OR51B5: variants seen among roughly 807,000 people sequenced by gnomAD.
OR51B5 encodes the protein olfactory receptor 51B5.
For synonymous variants in OR51B5, 186 were observed against 144.8 expected (o/e 1.28, Z -2.04); for missense variants, 456 against 374.6 (o/e 1.22, Z -1.79).
intron 1 of OR51B5, chr11:5,383,746 T>G (rs1161334213): frequency 2.0e-5 from 3 of 152,072 alleles, no homozygotes; most frequent in Non-Finnish European, 4.4e-5. Flanking sequence ...TGGGGACCCT[T>G]TGTTTACCAT....
chr11:5,342,235 ATTTTATATTT>A (rs1554931706), downstream of OR51B5, among the ~76,000 whole-genome samples: 1 of 152,172 alleles, frequency 6.6e-6, no homozygotes, highest in Non-Finnish European at 1.5e-5. Context: ...CCAACTAATA[ATTTTATATTT>A]TTATGATTCT....
At chr11:5,401,810 T>TC (rs1564801020) in intron 1 of OR51B5, among the ~76,000 whole-genome samples, 1 of 150,372 alleles carries the variant, frequency 6.7e-6, no homozygotes, top group Admixed American at 6.6e-5. Context: ...ATAATCTTTC[T>TC]TTTCTTTCTT....
rs181868058 is a variant in OR51B5, at chr11:5,358,789, T to C, written n.85-11879A>G. On this transcript the variant is annotated intron_variant and non_coding_transcript_variant, in intron 1 of 4. Transcript: ENST00000415970. ...ATCCAGCAGCACATCCAAAAGCTTA[T>C]CCACCATGATCAAGTGGGCTTCATC... 1.2e-4 allele frequency among the ~76,000 whole-genome samples: 18 copies of C among 152,302 alleles called. No homozygotes were observed. In the East Asian group the frequency reaches 3.5e-3, roughly 29 times the overall value.
chr11:5,351,467 C>A (rs1849084951), intron 1 of OR51B5: 1 of 1,510,232 alleles, frequency 6.6e-7, no homozygotes. Flanking sequence ...ATTACTATTG[C>A]TTTACCTGGA....
At chr11:5,498,594 G>A (rs1367623915) in intron 1 of OR51B5, among the ~76,000 whole-genome samples, 1 of 152,130 alleles carries the variant, frequency 6.6e-6, no homozygotes, top group Admixed American at 6.6e-5. Flanking sequence ...ATTAGTTTCA[G>A]TATGTCTCCT....
chr11:5,467,365 T>C (rs374297030), intron 1 of OR51B5, among the ~76,000 whole-genome samples: 4 of 152,242 alleles, frequency 2.6e-5, no homozygotes, highest in East Asian at 1.9e-4. Flanking sequence ...TAAATGATCA[T>C]GTTATTTGAT....
chr11:5,346,181 C>T (rs765480085), upstream of OR51B5: 2 of 152,138 alleles, frequency 1.3e-5, no homozygotes, highest in South Asian at 2.1e-4. Context: ...AACTGTAAGG[C>T]AATGATTGTA....
chr11:5,398,803 T>C (rs938714059), intron 1 of OR51B5, among the ~76,000 whole-genome samples: 1 of 152,218 alleles, frequency 6.6e-6, no homozygotes, highest in Non-Finnish European at 1.5e-5. Context: ...AAGATGTGCC[T>C]GCTTCTCCTT....
chr11:5,469,115 G>T, intron 1 of OR51B5: 1 of 224,808 alleles, frequency 4.4e-6, no homozygotes, highest in Non-Finnish European at 8.9e-6. Context: ...GATGAAGAAC[G>T]TCTGGGCCAG....
chr11:5,361,214 G>T (rs1338971487), intron 1 of OR51B5, among the ~76,000 whole-genome samples: 1 of 152,102 alleles, frequency 6.6e-6, no homozygotes, highest in Non-Finnish European at 1.5e-5. Context: ...ACCCCTATGT[G>T]ATGCTTAAAA....
chr11:5,440,490 A>G (rs1409535066), intron 1 of OR51B5: 1 of 939,134 alleles, frequency 1.1e-6, no homozygotes, highest in Non-Finnish European at 1.6e-6. Context: ...GGTCCTCTTC[A>G]TCCTTACTTT....
At chr11:5,467,890 C>T (rs1428246221) in intron 1 of OR51B5, among the ~76,000 whole-genome samples, 1 of 152,206 alleles carries the variant, frequency 6.6e-6, no homozygotes, top group Admixed American at 6.5e-5. Context: ...TGTAGTCATG[C>T]CCAATGATGA....
At chr11:5,381,702 A>T (rs191936481) in intron 1 of OR51B5, among the ~76,000 whole-genome samples, 1 of 151,206 alleles carries the variant, frequency 6.6e-6, no homozygotes, top group East Asian at 1.9e-4. Context: ...CACACTTCAA[A>T]GAGGACTATT....
downstream of OR51B5, chr11:5,340,351 A>T (rs1848875171): frequency 6.6e-6 from 1 of 152,016 alleles, no homozygotes; most frequent in Admixed American, 6.6e-5. Context: ...ATTTATTATC[A>T]TTTCTTTATC....
chr11:5,407,878 T>C (rs1295870109), intron 1 of OR51B5, among the ~76,000 whole-genome samples: 1 of 152,078 alleles, frequency 6.6e-6, no homozygotes, highest in East Asian at 1.9e-4. Context: ...TAATGATTAA[T>C]TTTGTATCCA....
intron 1 of OR51B5, among the ~76,000 whole-genome samples, chr11:5,484,929 A>G (rs1049232743): frequency 1.3e-5 from 2 of 152,216 alleles, no homozygotes; most frequent in African/African-American, 2.4e-5. Context: ...TACAGTATCA[A>G]TATTCTTCAT....
chr11:5,468,448 A>G (rs549990854), intron 1 of OR51B5: 1 of 328,808 alleles, frequency 3.0e-6, no homozygotes, highest in Admixed American at 4.2e-5. Flanking sequence ...CAGCAACAAC[A>G]AAGAAACTCT....
intron 1 of OR51B5, among the ~76,000 whole-genome samples, chr11:5,408,529 A>G (rs1335562981): frequency 1.3e-5 from 2 of 152,168 alleles, no homozygotes; most frequent in African/African-American, 2.4e-5. Flanking sequence ...GAAGTCATTC[A>G]TGACATCCAA....
chr11:5,502,288 C>A (rs1846305724), intron 1 of OR51B5, among the ~76,000 whole-genome samples: 1 of 152,208 alleles, frequency 6.6e-6, no homozygotes, highest in Non-Finnish European at 1.5e-5. Flanking sequence ...TTTCCCACAT[C>A]ACCTTGAAGC....
Sources: gnomAD v4.1 joint callset for allele counts (sites outside exome capture counted in the v4.1 genomes callset) on GRCh38, gnomAD v4.1.1 for gene constraint, MANE v1.5 for transcripts, NCBI Gene and HGNC (gene_info 2026-07-23, HGNC 2026-07-21) for gene names.